Variants in SNTG2 observed in about 807,000 individuals in gnomAD.
SNTG2 encodes syntrophin gamma 2, also known as gamma-2-syntrophin.
A neutral mutation model predicts 70.9 loss-of-function variants in SNTG2; 74 were observed. That is an observed-to-expected ratio of 1.04 (90% confidence interval 0.86 to 1.27). SNTG2 has a LOEUF of 1.27. Among genes scored for constraint, SNTG2 ranks in the 50% most tolerant of loss-of-function variants. The probability of loss-of-function intolerance (pLI) is 0.00; values close to 1 mark genes in which losing one functional copy is unlikely to be tolerated. For missense variants in SNTG2, 717 were observed against 690.7 expected (o/e 1.04, Z -0.43); for synonymous variants, 278 against 273.8 (o/e 1.02, Z -0.15).
At position 1,203,665 on chromosome 2, in the gene SNTG2, A is replaced by AAC. The variant is rs1267289985; in HGVS notation, c.592-5437_592-5436insCA. On this transcript the variant is annotated intron_variant, in intron 8 of 16. Coordinates refer to ENST00000308624, the MANE Select transcript of SNTG2 (RefSeq NM_018968.4). ...TGAGACCTTGTCTCAAAAACAAACAAAAAAAAAAATATATATATATATATA... is the reference window on the plus strand; with the variant it reads ...TGAGACCTTGTCTCAAAAACAAACAAACAAAAAAAAATATATATATATATATA... 3.5e-3 allele frequency among the ~76,000 whole-genome samples: 291 copies of AAC among 83,072 alleles called. 2 individuals are homozygous for AAC. Among genetic ancestry groups the AAC allele is most frequent in the East Asian group, 0.014 (20 of 1,400 alleles). 54.5% of individuals were successfully genotyped at this position (83,072 alleles called of 152,430 possible). A position where few individuals can be genotyped will look rare whatever the true frequency, so the allele number is the denominator to read the frequency against.
intron 1 of SNTG2, among the ~76,000 whole-genome samples, chr2:1,033,947 T>C (rs1660984800): frequency 6.6e-6 from 1 of 152,234 alleles, no homozygotes; most frequent in Non-Finnish European, 1.5e-5. Flanking sequence ...TGAAATATTA[T>C]TTTCTTCTTT....
chr2:1,118,238 G>T (rs1233191697), intron 4 of SNTG2, among the ~76,000 whole-genome samples: 1 of 152,026 alleles, frequency 6.6e-6, no homozygotes, highest in Non-Finnish European at 1.5e-5. Context: ...GCAGCTGCTT[G>T]TGGGCCGTGT....
At chr2:1,149,843 G>A (rs71339715) in intron 6 of SNTG2, among the ~76,000 whole-genome samples, 141,756 of 151,002 alleles carry the variant, frequency 0.94, 66,659 homozygotes, top group Non-Finnish European at 0.97. Context: ...TCCCGCCACC[G>A]CGCCTGGCTA....
chr2:1,040,978 CT>C (rs1410449323), intron 1 of SNTG2, among the ~76,000 whole-genome samples: 1 of 152,116 alleles, frequency 6.6e-6, no homozygotes, highest in Non-Finnish European at 1.5e-5. Flanking sequence ...AATCAGACGG[CT>C]TTTTGGTGGA....
At chr2:1,067,637 T>C (rs1663243958) in intron 1 of SNTG2, among the ~76,000 whole-genome samples, 1 of 152,196 alleles carries the variant, frequency 6.6e-6, no homozygotes, top group Non-Finnish European at 1.5e-5. Flanking sequence ...CATGACATAG[T>C]CTGTCAGCAT....
At chr2:1,322,914 C>T (rs1339529769) in intron 16 of SNTG2, among the ~76,000 whole-genome samples, 1 of 152,092 alleles carries the variant, frequency 6.6e-6, no homozygotes, top group Non-Finnish European at 1.5e-5. Context: ...GGCCCAGATC[C>T]AAGCAGGAAG....
chr2:1,278,246 A>G (rs930626097), intron 14 of SNTG2, among the ~76,000 whole-genome samples: 1 of 152,164 alleles, frequency 6.6e-6, no homozygotes, highest in African/African-American at 2.4e-5. Flanking sequence ...AATGCAACAT[A>G]TTGTTTATGG....
chr2:1,094,559 ATGG>A, intron 2 of SNTG2, among the ~76,000 whole-genome samples: 1 of 47,800 alleles, frequency 2.1e-5, no homozygotes, highest in Non-Finnish European at 3.6e-5. Context: ...GTGTCCTCAT[ATGG>A]TAGAGTTACT....
rs35500323 is a variant in SNTG2, at chr2:1,307,435, C to CTGTGTGTG, written c.1285-1043_1285-1036dup. ...GTGTGTGGTGTGTGTGAGCCGTGTA[C>CTGTGTGTG]TGTGTGTGTGTGTGTGTGTGTGTAT... On this transcript the variant is annotated intron_variant, in intron 14 of 16. Coordinates refer to ENST00000308624, the MANE Select transcript of SNTG2 (RefSeq NM_018968.4). Among the ~76,000 whole-genome samples the CTGTGTGTG allele has an allele frequency of 8.7e-3, 1,209 of 138,670 alleles. 18 individuals are homozygous for CTGTGTGTG. Among genetic ancestry groups the CTGTGTGTG allele is most frequent in the African/African-American group, 0.03 (1,130 of 37,526 alleles). 91.0% of individuals were successfully genotyped at this position (138,670 alleles called of 152,430 possible).
intron 4 of SNTG2, among the ~76,000 whole-genome samples, chr2:1,101,230 C>A (rs892096010): frequency 6.6e-6 from 1 of 152,186 alleles, no homozygotes; most frequent in African/African-American, 2.4e-5. Context: ...GCCCCCTCCC[C>A]CAGCCAGCTT....
In SNTG2 at chr2:1,337,462, G is replaced by T. The variant is rs572177077; in HGVS notation, c.1488+21087G>T. 1.8e-4 allele frequency among the ~76,000 whole-genome samples: 28 copies of T among 152,202 alleles called. No homozygotes were observed. In the South Asian group the frequency reaches 2.7e-3, roughly 15 times the overall value. On this transcript the variant is annotated intron_variant, in intron 16 of 16. Transcript: ENST00000308624. ...TTATTGATGTTGAACATCTTTTCAT[G>T]TGCTTATTGGACACTTCTATATCTT...
At chr2:1,255,908 ATAT>A (rs1371932949) in intron 12 of SNTG2, among the ~76,000 whole-genome samples, 38,289 of 122,438 alleles carry the variant, frequency 0.31, 6,868 homozygotes, top group African/African-American at 0.46. Context: ...ATATATATAA[ATAT>A]ATATATAAAT....
intron 6 of SNTG2, among the ~76,000 whole-genome samples, chr2:1,155,905 G>A (rs903482024): frequency 3.9e-4 from 60 of 152,122 alleles, no homozygotes; most frequent in African/African-American, 1.4e-3. Context: ...GAATGCAAGC[G>A]CTGCTCCCCA....
At chr2:1,184,661 C>T (rs577354645) in intron 8 of SNTG2, among the ~76,000 whole-genome samples, 5 of 152,096 alleles carry the variant, frequency 3.3e-5, no homozygotes, top group Non-Finnish European at 5.9e-5. Context: ...TTTAAACAAC[C>T]AGATCTTATG....
intron 1 of SNTG2, among the ~76,000 whole-genome samples, chr2:971,179 T>G (rs1172411613): frequency 6.6e-6 from 1 of 152,236 alleles, no homozygotes; most frequent in Non-Finnish European, 1.5e-5. Context: ...GAATCCTTCT[T>G]CTGCAATGTT....
intron 16 of SNTG2, among the ~76,000 whole-genome samples, chr2:1,342,275 T>A (rs999349319): frequency 2.7e-5 from 4 of 147,490 alleles, no homozygotes; most frequent in African/African-American, 7.5e-5. Flanking sequence ...AAATAGCTCC[T>A]GCTCTGTAGG....
chr2:1,157,123 G>A (rs370852743), intron 6 of SNTG2, among the ~76,000 whole-genome samples: 1 of 152,126 alleles, frequency 6.6e-6, no homozygotes. Context: ...GTCAAAACTC[G>A]GCTTCTTCCT....
intron 1 of SNTG2, among the ~76,000 whole-genome samples, chr2:1,027,370 G>A (rs1274590477): frequency 2.0e-5 from 3 of 147,204 alleles, no homozygotes; most frequent in African/African-American, 7.6e-5. Context: ...CTGACCCACA[G>A]ACACTACCCA....
At chr2:1,110,740 A>C (rs548213820) in intron 4 of SNTG2, among the ~76,000 whole-genome samples, 59 of 152,286 alleles carry the variant, frequency 3.9e-4, no homozygotes, top group Admixed American at 7.8e-4. Flanking sequence ...CTTCCTTTCT[A>C]GGCTCTAAAA....
Sources: gnomAD v4.1 joint callset for allele counts (sites outside exome capture counted in the v4.1 genomes callset) on GRCh38, gnomAD v4.1.1 for gene constraint, MANE v1.5 for transcripts, NCBI Gene and HGNC (gene_info 2026-07-23, HGNC 2026-07-21) for gene names.